The following PTPRD variants were observed in gnomAD, a reference collection of about 807,000 sequenced individuals.
PTPRD encodes the protein receptor-type tyrosine-protein phosphatase delta.
In PTPRD, 34 loss-of-function variants were observed where a neutral mutation model predicts 214.5. The observed-to-expected ratio is 0.16, with a 90% confidence interval of 0.12 to 0.21. The LOEUF (loss-of-function observed/expected upper bound fraction) is 0.21, where lower values mean the gene tolerates loss of function less well. Ranked by LOEUF, PTPRD falls within the 10% of genes least tolerant of loss-of-function variation. The pLI is 1.00. For missense variants in PTPRD, 2,545 were observed against 2,398.7 expected (o/e 1.06, Z -1.27); for synonymous variants, 1,128 against 845.7 (o/e 1.33, Z -5.79).
chr9:10,272,840 T>A (rs2094493217), intron 3 of PTPRD, among the ~76,000 whole-genome samples: 1 of 152,216 alleles, frequency 6.6e-6, no homozygotes, highest in Admixed American at 6.5e-5. Context: ...ACTGAGAGAA[T>A]ACCACACATG....
intron 14 of PTPRD, among the ~76,000 whole-genome samples, chr9:8,553,594 G>C (rs2082766542): frequency 6.6e-6 from 1 of 152,148 alleles, no homozygotes; most frequent in African/African-American, 2.4e-5. Flanking sequence ...AGAAATGAGA[G>C]AGGGGAACTG....
chr9:10,227,993 C>T lies in PTPRD; in HGVS notation c.-545+112970G>A, dbSNP rs61591270. On this transcript the variant is annotated intron_variant, in intron 3 of 45. Transcript: ENST00000381196. ...GAAATTTTTCTTGTTAATATAACTACAGAAAGGCTAAAGTAAAAATTCTGG... is the reference window on the plus strand; with the variant it reads ...GAAATTTTTCTTGTTAATATAACTATAGAAAGGCTAAAGTAAAAATTCTGG... 2.9e-3 allele frequency among the ~76,000 whole-genome samples: 443 copies of T among 152,032 alleles called. 3 individuals carry two copies. The highest frequency in any genetic ancestry group is 0.01 in the African/African-American group (430 of 41,514).
chr9:9,952,053 G>C (rs1273123789), intron 4 of PTPRD, among the ~76,000 whole-genome samples: 1 of 152,176 alleles, frequency 6.6e-6, no homozygotes, highest in Non-Finnish European at 1.5e-5. Context: ...AAAGTATTGA[G>C]GAGGGACAGA....
chr9:8,562,568 G>T (rs2086824258), intron 14 of PTPRD, among the ~76,000 whole-genome samples: 1 of 151,866 alleles, frequency 6.6e-6, no homozygotes, highest in African/African-American at 2.4e-5. Context: ...TTCCAAGTAG[G>T]TGGGACTACA....
chr9:9,569,417 T>C (rs1320033162), intron 8 of PTPRD, among the ~76,000 whole-genome samples: 2 of 151,802 alleles, frequency 1.3e-5, no homozygotes. Flanking sequence ...TTATTAATAA[T>C]CTGTCATGTA....
chr9:9,244,045 AAG>A (rs1423518454), intron 9 of PTPRD, among the ~76,000 whole-genome samples: 1 of 152,182 alleles, frequency 6.6e-6, no homozygotes, highest in Non-Finnish European at 1.5e-5. Flanking sequence ...AATTGCTTCA[AAG>A]AGAATAAAAT....
At chr9:10,508,488 C>A (rs537911629) in intron 2 of PTPRD, among the ~76,000 whole-genome samples, 8 of 152,294 alleles carry the variant, frequency 5.3e-5, no homozygotes, top group Non-Finnish European at 1.2e-4. Flanking sequence ...TATGAAGACA[C>A]ATGCACACGT....
chr9:9,131,017 T>TA (rs1198901414), intron 10 of PTPRD, among the ~76,000 whole-genome samples: 15 of 152,240 alleles, frequency 9.9e-5, no homozygotes, highest in African/African-American at 3.6e-4. Flanking sequence ...AAGATTTTTT[T>TA]AAAAGAATAA....
rs1290552529 is a variant in PTPRD, at chr9:10,124,796, C to T, written c.-544-91006G>A. On this transcript the variant is annotated intron_variant, in intron 3 of 45. Coordinates refer to ENST00000381196, the MANE Select transcript of PTPRD (RefSeq NM_002839.4). Reference sequence around the variant, plus strand: ...TTTTTCCAATTAATCATTTTATTTACATCATCATTTCGCAGAATACAAAAT... The same window carrying T: ...TTTTTCCAATTAATCATTTTATTTATATCATCATTTCGCAGAATACAAAAT... Among the ~76,000 whole-genome samples the T allele has an allele frequency of 5.3e-5, 8 of 152,156 alleles. No homozygotes were observed. The East Asian group carries it at 1.5e-3, about 29-fold the overall frequency.
At chr9:10,055,780 G>T (rs1445402164) in intron 3 of PTPRD, among the ~76,000 whole-genome samples, 2 of 151,526 alleles carry the variant, frequency 1.3e-5, no homozygotes, top group Non-Finnish European at 2.9e-5. Flanking sequence ...TTGTGATTCA[G>T]TTAAGTCCAG....
chr9:9,915,750 G>A (rs935694876), intron 5 of PTPRD, among the ~76,000 whole-genome samples: 1 of 151,792 alleles, frequency 6.6e-6, no homozygotes, highest in African/African-American at 2.4e-5. Context: ...ATCATTAAGT[G>A]AACAAATATG....
intron 3 of PTPRD, among the ~76,000 whole-genome samples, chr9:10,177,223 C>G (rs2099253970): frequency 1.3e-5 from 2 of 151,552 alleles, no homozygotes; most frequent in Admixed American, 1.3e-4. Flanking sequence ...TAGGAAATTG[C>G]CAGGAAAGGT....
chr9:8,356,028 A>AT (rs1300826504), intron 39 of PTPRD, among the ~76,000 whole-genome samples: 1 of 152,192 alleles, frequency 6.6e-6, no homozygotes, highest in Non-Finnish European at 1.5e-5. Context: ...ATTCATAAGG[A>AT]TTTTTTGTCC....
chr9:8,441,044 C>T (rs1198480515), intron 34 of PTPRD, among the ~76,000 whole-genome samples: 1 of 152,072 alleles, frequency 6.6e-6, no homozygotes, highest in Non-Finnish European at 1.5e-5. Flanking sequence ...GGCAAAGTCT[C>T]CACAGATGGA....
intron 11 of PTPRD, among the ~76,000 whole-genome samples, chr9:8,844,158 C>T (rs1262327757): frequency 6.6e-6 from 1 of 152,052 alleles, no homozygotes; most frequent in Non-Finnish European, 1.5e-5. Flanking sequence ...CATTTATTTC[C>T]CCTTTATCTA....
intron 2 of PTPRD, among the ~76,000 whole-genome samples, chr9:10,548,098 G>A (rs1399945198): frequency 4.6e-5 from 7 of 151,868 alleles, no homozygotes; most frequent in South Asian, 2.1e-4. Context: ...GTGAACCTCC[G>A]CTTTTTAAAA....
intron 9 of PTPRD, among the ~76,000 whole-genome samples, chr9:9,373,215 TTTTTAGGTG>T (rs2139910574): frequency 6.6e-6 from 1 of 152,216 alleles, no homozygotes; most frequent in East Asian, 1.9e-4. Context: ...GTTCTACCTC[TTTTTAGGTG>T]TGTAATCGTG....
intron 35 of PTPRD, among the ~76,000 whole-genome samples, chr9:8,431,340 A>G (rs990304670): frequency 6.6e-6 from 1 of 152,210 alleles, no homozygotes; most frequent in Admixed American, 6.5e-5. Flanking sequence ...CACCACAGAG[A>G]AAGCACAAAG....
At chr9:8,980,166 T>C (rs1197924851) in intron 11 of PTPRD, among the ~76,000 whole-genome samples, 1 of 151,988 alleles carries the variant, frequency 6.6e-6, no homozygotes, top group East Asian at 1.9e-4. Flanking sequence ...CATATGTGAA[T>C]TTTTTTAAAA....
Sources: allele counts gnomAD v4.1 joint callset (sites outside exome capture counted in the v4.1 genomes callset), GRCh38; gene constraint gnomAD v4.1.1; transcripts MANE v1.5; gene names NCBI Gene and HGNC (gene_info 2026-07-23, HGNC 2026-07-21).